SDK2: variants seen among roughly 807,000 people sequenced by gnomAD.
SDK2 encodes protein sidekick-2.
Under a neutral mutation model 253.9 loss-of-function variants are expected in SDK2, and 105 were observed. That is an observed-to-expected ratio of 0.41 (90% CI 0.35 to 0.49). The LOEUF is 0.49. Among genes scored for constraint, SDK2 ranks in the 20% least tolerant of loss-of-function variants. SDK2 has a pLI of 0.06. For synonymous variants in SDK2, 1,249 were observed against 1,234.9 expected, an observed-to-expected ratio of 1.01 and a Z score of -0.24; for missense variants, 2,608 against 3,003.0, an observed-to-expected ratio of 0.87 and a Z score of 3.07.
intron 38 of SDK2, among the ~76,000 whole-genome samples, chr17:73,362,950 C>T (rs1252577489): frequency 6.6e-6 from 1 of 152,270 alleles, no homozygotes; most frequent in Admixed American, 6.5e-5. Flanking sequence ...CCGGCCCCGG[C>T]ATGTCCCTTA....
chr17:73,370,254 TTTTA>T (rs945493131), intron 36 of SDK2, among the ~76,000 whole-genome samples: 5 of 152,152 alleles, frequency 3.3e-5, no homozygotes, highest in African/African-American at 9.7e-5. Context: ...ATTATTATTT[TTTTA>T]TTTGAGACAG....
intron 18 of SDK2, among the ~76,000 whole-genome samples, chr17:73,412,241 T>TACAC (rs2063145592): frequency 6.7e-6 from 1 of 149,676 alleles, no homozygotes; most frequent in Non-Finnish European, 1.5e-5. Context: ...TATATACATA[T>TACAC]ATCCTGGAAC....
intron 2 of SDK2, among the ~76,000 whole-genome samples, chr17:73,487,058 C>T (rs957031116): frequency 3.9e-5 from 6 of 152,160 alleles, no homozygotes; most frequent in African/African-American, 9.7e-5. Flanking sequence ...CTCAGCCTCC[C>T]GAGTAGCTGG....
rs566742236 is a variant in SDK2, at chr17:73,455,987, C to A, written c.398G>T (p.Arg133Leu). 2 of 1,547,446 alleles carry A rather than the reference C, an allele frequency of 1.3e-6. No homozygotes were observed. The highest frequency in any genetic ancestry group is 1.7e-6 in the Non-Finnish European group (2 of 1,145,234). ...SVSHGEAAVI[R>L]APRIASFPQP... is the part of the protein sequence containing the mutation. ...GGGGAAGCTGGCGATGCGCGGGGCA[C>A]GGATGACAGCTGCTTCTCCGTGGGA... is the stretch of plus-strand genomic sequence containing the variant. The change falls in exon 4 of 45, where the codon CGT becomes CTT. Residue 133 changes from arginine (R) to leucine (L), a missense_variant. Transcript: ENST00000392650. This position sits in a 1 kb window ranked among gnomAD's most constrained non-coding sequence, Gnocchi z 5.0.
intron 40 of SDK2, among the ~76,000 whole-genome samples, chr17:73,355,203 G>A (rs1222856972): frequency 2.7e-5 from 1 of 36,450 alleles, no homozygotes; most frequent in African/African-American, 2.2e-4. Flanking sequence ...TTTAGACGGA[G>A]TCTCACTCTG....
intron 18 of SDK2, among the ~76,000 whole-genome samples, chr17:73,407,530 C>G (rs1251059841): frequency 6.6e-6 from 1 of 152,160 alleles, no homozygotes; most frequent in Non-Finnish European, 1.5e-5. Flanking sequence ...AGACGTCCCC[C>G]TCCAACCCAA....
chr17:73,378,347 C>T (rs2062800835), intron 36 of SDK2, among the ~76,000 whole-genome samples: 1 of 152,110 alleles, frequency 6.6e-6, no homozygotes, highest in African/African-American at 2.4e-5. Flanking sequence ...AGTGATCCGC[C>T]CACCTTGGCC....
chr17:73,365,172 T>C (rs1272195422), intron 38 of SDK2, 86 bp downstream of exon 38: 34 of 987,204 alleles, frequency 3.4e-5, no homozygotes, highest in Non-Finnish European at 4.0e-5. Context: ...ATCTCACTCA[T>C]GTGTAGTGGC....
chr17:73,438,189 T>C, intron 6 of SDK2, 35 bp from the exon 7 acceptor site: 1 of 1,530,224 alleles, frequency 6.5e-7, no homozygotes, highest in Non-Finnish European at 8.8e-7. Context: ...TGTTCAGCCA[T>C]GAGGACTCCC....
intron 1 of SDK2, among the ~76,000 whole-genome samples, chr17:73,513,157 T>C: frequency 6.7e-6 from 1 of 148,794 alleles, no homozygotes; most frequent in African/African-American, 2.5e-5. Flanking sequence ...AAAAAAACCC[T>C]CATAAACAAA....
At chr17:73,593,146 G>C (rs1224766623) in intron 1 of SDK2, among the ~76,000 whole-genome samples, 1 of 152,002 alleles carries the variant, frequency 6.6e-6, no homozygotes, top group African/African-American at 2.4e-5. Context: ...GTCTTCCCTC[G>C]ACAGGCTGGG....
intron 36 of SDK2, among the ~76,000 whole-genome samples, chr17:73,375,118 C>G (rs186463549): frequency 5.4e-4 from 82 of 152,182 alleles, no homozygotes; most frequent in African/African-American, 1.9e-3. Context: ...CCTGTCTACC[C>G]TGAGACCTTT....
intron 33 of SDK2, among the ~76,000 whole-genome samples, chr17:73,382,160 T>C (rs1425292258): frequency 6.7e-6 from 1 of 149,134 alleles, no homozygotes; most frequent in Non-Finnish European, 1.5e-5. Context: ...GAGGTTGCAG[T>C]GAGCTAAGAT....
At chr17:73,341,761 GAGGGATGT>G (rs750181965) in intron 44 of SDK2, among the ~76,000 whole-genome samples, 28 of 152,252 alleles carry the variant, frequency 1.8e-4, no homozygotes, top group Non-Finnish European at 3.2e-4. Flanking sequence ...GATACATCTC[GAGGGATGT>G]AGCTACAATG....
chr17:73,600,995 T>C lies in SDK2; in HGVS notation c.64+43030A>G, dbSNP rs543032264. Among the ~76,000 whole-genome samples the C allele has an allele frequency of 2.9e-3, 442 of 151,786 alleles. 1 individual carries two copies. The highest frequency in any genetic ancestry group is 4.9e-3 in the Admixed American group (74 of 15,254). On this transcript the variant is annotated intron_variant, in intron 1 of 44. Transcript: ENST00000392650. ...GGGCCTTTGGTGCCTTTATGAATGA[T>C]CTTTTCATTTTATTATTTAAAAAAA...
At chr17:73,535,105 T>A (rs2044751667) in intron 1 of SDK2, among the ~76,000 whole-genome samples, 1 of 152,194 alleles carries the variant, frequency 6.6e-6, no homozygotes. Context: ...CAATCCCCTA[T>A]AGCCCTGACC....
intron 18 of SDK2, among the ~76,000 whole-genome samples, chr17:73,408,962 T>G (rs1156668601): frequency 6.6e-6 from 1 of 152,230 alleles, no homozygotes; most frequent in East Asian, 1.9e-4. Context: ...GGTTTTATTT[T>G]AAATAGAGAT....
intron 40 of SDK2, among the ~76,000 whole-genome samples, chr17:73,356,168 C>T (rs1373784311): frequency 2.0e-5 from 3 of 152,194 alleles, no homozygotes; most frequent in Non-Finnish European, 4.4e-5. Context: ...TTTCTGGCAC[C>T]GAACTTCCCT....
chr17:73,423,991 C>G lies in SDK2; in HGVS notation c.1685G>C (p.Gly562Ala), dbSNP rs767314789. 1.2e-6 allele frequency: 2 copies of G among 1,610,484 alleles called. No homozygotes were observed. The highest frequency in any genetic ancestry group is 2.2e-5 in the South Asian group (2 of 90,250). The stretch of plus-strand genomic sequence containing the variant: ...CCGGCAGGTGTACGTGCCGATGTCT[C>G]CCGACCACGTCTGTGAGATGTGCAG... ...GSLHISQTWS[G>A]DIGTYTCRVI... Residue 562 changes from glycine (G) to alanine (A), a missense_variant, in exon 13 of 45, where the codon GGA becomes GCA. Around this residue, in one of 2 missense-constraint regions of SDK2, gnomAD observed 1,505 missense variants for 1,859.1 expected, o/e 0.81. Coordinates refer to ENST00000392650, the MANE Select transcript of SDK2 (RefSeq NM_001144952.2).
Sources: allele counts gnomAD v4.1 joint callset (sites outside exome capture counted in the v4.1 genomes callset), GRCh38; gene constraint gnomAD v4.1.1; regional missense constraint gnomAD v4.1.1; non-coding constraint Gnocchi (gnomAD v3.1); transcripts MANE v1.5; gene names NCBI Gene and HGNC (gene_info 2026-07-23, HGNC 2026-07-21).